RDH12: variants seen among roughly 807,000 people sequenced by gnomAD.
RDH12 encodes the protein all-trans and 9-cis retinol dehydrogenase.
Under a neutral mutation model 34.0 loss-of-function variants are expected in RDH12, and 21 were observed. The observed-to-expected ratio is 0.62, with a 90% CI of 0.44 to 0.89. The LOEUF (loss-of-function observed/expected upper bound fraction) is 0.89. Ranked by LOEUF, RDH12 falls within the 40% of genes least tolerant of loss-of-function variation. The pLI, the probability that RDH12 is intolerant of heterozygous loss-of-function variation, is 0.00. For synonymous variants in RDH12, 198 were observed against 169.9 expected (o/e 1.17, Z -1.29); for missense variants, 394 against 398.6 (o/e 0.99, Z 0.10).
At chr14:67,706,734 G>A (rs1385538223) in intron 1 of RDH12, among the ~76,000 whole-genome samples, 1 of 152,108 alleles carries the variant, frequency 6.6e-6, no homozygotes, top group East Asian at 1.9e-4. Flanking sequence ...GTGATTTTGG[G>A]GGCCGAGATC....
At chr14:67,709,076 C>G (rs1027890012) in intron 1 of RDH12, among the ~76,000 whole-genome samples, 1 of 152,152 alleles carries the variant, frequency 6.6e-6, no homozygotes, top group Non-Finnish European at 1.5e-5. Context: ...CAGGTGTGAG[C>G]CACTGTGCCA....
Position 67,724,521 on chromosome 14 carries a change from C to A in RDH12, c.117C>A (p.Gly39=), listed in dbSNP as rs1417655457. 9.9e-6 allele frequency: 16 copies of A among 1,613,340 alleles called. No homozygotes were observed. The highest frequency in any genetic ancestry group is 4.5e-5 in the East Asian group (2 of 44,810). Residue 39 remains glycine (G), a synonymous_variant, in exon 4 of 9, where the codon GGC becomes GGA. Coordinates refer to ENST00000551171, the MANE Select transcript of RDH12 (RefSeq NM_152443.3). The part of the protein sequence containing the change: ...GVCRTNVQLP[G]KVVVITGANT... ...GTAGAACAAATGTGCAGCTTCCTGG[C>A]AAGGTAGTGGTGATCACTGGCGCCA... is the stretch of plus-strand genomic sequence containing the variant.
intron 1 of RDH12, among the ~76,000 whole-genome samples, chr14:67,716,294 G>C (rs1444128702): frequency 6.6e-6 from 1 of 152,194 alleles, no homozygotes; most frequent in East Asian, 1.9e-4. Context: ...TAGTGTATGG[G>C]AGCAAGAGAA....
intron 1 of RDH12, among the ~76,000 whole-genome samples, chr14:67,709,334 A>G (rs1389092026): frequency 6.6e-6 from 1 of 152,226 alleles, no homozygotes; most frequent in Admixed American, 6.5e-5. Context: ...CCTAATAAAA[A>G]CAGCATGAAG....
chr14:67,710,185 G>A (rs1426567917), intron 1 of RDH12, among the ~76,000 whole-genome samples: 2 of 152,072 alleles, frequency 1.3e-5, no homozygotes, highest in African/African-American at 2.4e-5. Context: ...ACCACTTTGG[G>A]TACATGTCAT....
chr14:67,732,182 G>C (rs1370544484), intron 8 of RDH12, among the ~76,000 whole-genome samples: 2 of 148,246 alleles, frequency 1.3e-5, no homozygotes, highest in Non-Finnish European at 3.0e-5. Flanking sequence ...CATGCCTGTA[G>C]TCCCAGTACT....
At chr14:67,710,067 C>T (rs948776502) in intron 1 of RDH12, among the ~76,000 whole-genome samples, 1 of 152,184 alleles carries the variant, frequency 6.6e-6, no homozygotes, top group Non-Finnish European at 1.5e-5. Flanking sequence ...AGTCTTCCTG[C>T]CTTTGTTTTA....
intron 8 of RDH12, chr14:67,729,602 C>T (rs994316119): frequency 9.5e-6 from 6 of 632,390 alleles, no homozygotes; most frequent in Middle Eastern, 3.0e-4. Flanking sequence ...ACTCGTGTGC[C>T]GCTTTTCCAT....
chr14:67,728,707 G>GGGC (rs1555390969), intron 7 of RDH12, among the ~76,000 whole-genome samples: 1 of 151,210 alleles, frequency 6.6e-6, no homozygotes, highest in South Asian at 2.1e-4. Flanking sequence ...ATCTTGTGGG[G>GGGC]GGGGGGTGTT....
Position 67,726,165 on chromosome 14 carries a change from T to G in RDH12, c.448+10T>G, listed in dbSNP as rs2038183299. ...GGAGTCAACCACCTGGGTAAGTATC[T>G]TTGGGTGACTAAAAAATGAGGTACA... On this transcript the variant is annotated intron_variant, in intron 6 of 8. Coordinates refer to ENST00000551171, the MANE Select transcript of RDH12 (RefSeq NM_152443.3). 1 of 1,520,324 alleles carries G rather than the reference T, an allele frequency of 6.6e-7. No homozygotes were observed. The allele number at this position is 1,520,324 out of a possible 1,614,324, so 94.2% of individuals were successfully genotyped here. A position where few individuals can be genotyped will look rare whatever the true frequency, so the allele number is the denominator to read the frequency against.
At position 67,734,235 on chromosome 14, in the gene RDH12, T is replaced by C. The variant is rs2038324671; in HGVS notation, c.*387T>C. 4 of 246,462 alleles carry C rather than the reference T, an allele frequency of 1.6e-5. No homozygotes were observed. In the South Asian group the frequency reaches 2.2e-4, roughly 14 times the overall value. The allele number at this position is 246,462 out of a possible 1,614,324, so 15.3% of individuals were successfully genotyped here. On this transcript the variant is annotated 3_prime_UTR_variant, in exon 9 of 9. Coordinates refer to ENST00000551171, the MANE Select transcript of RDH12 (RefSeq NM_152443.3). The stretch of plus-strand genomic sequence containing the variant: ...CATCACTGCCTATTTCTAGGGGCTA[T>C]ACACTCCAACTCTTGGTTGATCTCT...
chr14:67,724,424 T>G, intron 3 of RDH12, 49 bp from the exon 4 acceptor site: 134 of 1,165,244 alleles, frequency 1.1e-4, no homozygotes, highest in Non-Finnish European at 1.5e-4. Flanking sequence ...TATCTTAGTG[T>G]GAGCTCGTGA....
Position 67,722,673 on chromosome 14 carries a change from T to A in RDH12, c.31T>A (p.Phe11Ile). Reference protein sequence around the residue: MLVTLGLLTSFFSFLYMVAPS... With the variant: MLVTLGLLTSIFSFLYMVAPS... ...GGTCACCTTGGGACTGCTCACCTCC[T>A]TCTTCTCGTTCCTGTATATGGTAGC... The change falls in exon 3 of 9, where the codon TTC (phenylalanine) becomes ATC (isoleucine). Residue 11 changes from phenylalanine (F) to isoleucine (I), a missense_variant. Physicochemically the swap from Phe to Ile is conservative, Grantham distance 21. Coordinates refer to ENST00000551171, the MANE Select transcript of RDH12 (RefSeq NM_152443.3). 5.6e-6 allele frequency: 9 copies of A among 1,613,962 alleles called. No individual in the cohort carries two copies. The highest frequency in any genetic ancestry group is 7.6e-6 in the Non-Finnish European group (9 of 1,179,830).
At chr14:67,729,127 G>T (rs1026858084) in intron 7 of RDH12, 64 bp from the exon 8 acceptor site, 3 of 1,520,888 alleles carry the variant, frequency 2.0e-6, no homozygotes, top group Non-Finnish European at 2.7e-6. Context: ...TTTGCTGCAG[G>T]AGATAAGCTG....
chr14:67,723,217 AGT>A (rs774989832), intron 3 of RDH12, among the ~76,000 whole-genome samples: 2 of 151,988 alleles, frequency 1.3e-5, no homozygotes, highest in Non-Finnish European at 2.9e-5. Context: ...GTCAAATAAA[AGT>A]GTGTTCTGAG....
chr14:67,728,399 T>G (rs1359532400), intron 7 of RDH12, among the ~76,000 whole-genome samples: 1 of 152,176 alleles, frequency 6.6e-6, no homozygotes, highest in Non-Finnish European at 1.5e-5. Context: ...ACTGACAGAT[T>G]AAGAAATTTG....
At chr14:67,726,803 GC>G (rs2038191437) in intron 6 of RDH12, among the ~76,000 whole-genome samples, 177 bp from the exon 7 acceptor site, 1 of 152,158 alleles carries the variant, frequency 6.6e-6, no homozygotes, top group Non-Finnish European at 1.5e-5. Context: ...TCTAGCTCTG[GC>G]TCTTGCTTTG....
At chr14:67,720,816 G>C (rs1409958167) in intron 1 of RDH12, 32 bp from the exon 2 acceptor site, 1 of 152,164 alleles carries the variant, frequency 6.6e-6, no homozygotes, top group African/African-American at 2.4e-5. Context: ...AATTCTAGAT[G>C]CCTTATGGTC....
intron 5 of RDH12, 36 bp downstream of exon 5, chr14:67,725,290 T>C (rs758129927): frequency 2.5e-6 from 4 of 1,610,462 alleles, no homozygotes; most frequent in South Asian, 1.1e-5. Flanking sequence ...AAGCAGGAAA[T>C]TGGGTATGGG....
Sources: allele counts gnomAD v4.1 joint callset (sites outside exome capture counted in the v4.1 genomes callset), GRCh38; gene constraint gnomAD v4.1.1; transcripts MANE v1.5; gene names NCBI Gene and HGNC (gene_info 2026-07-23, HGNC 2026-07-21).